The following NAV3 variants were observed in gnomAD, a reference collection of about 807,000 sequenced individuals.
NAV3 encodes pore membrane and/or filament interacting like protein 1.
Under a neutral mutation model 244.7 loss-of-function variants are expected in NAV3, and 87 were observed. The observed-to-expected ratio is 0.36, with a 90% CI of 0.30 to 0.42. The LOEUF (loss-of-function observed/expected upper bound fraction) is 0.42, where lower values mean the gene tolerates loss of function less well. Among genes scored for constraint, NAV3 ranks in the 20% least tolerant of loss-of-function variants. The pLI is 1.00. For synonymous variants in NAV3, 1,126 were observed against 1,042.2 expected, an observed-to-expected ratio of 1.08 and a Z score of -1.55; for missense variants, 2,663 against 2,893.3, an observed-to-expected ratio of 0.92 and a Z score of 1.83.
At chr12:77,945,140 G>A (rs902054510) in intron 3 of NAV3, among the ~76,000 whole-genome samples, 1 of 150,970 alleles carries the variant, frequency 6.6e-6, no homozygotes, top group Non-Finnish European at 1.5e-5. Flanking sequence ...AAAATAAATA[G>A]CTTGAGAAGA....
intron 1 of NAV3, among the ~76,000 whole-genome samples, chr12:77,856,217 G>T (rs1878374757): frequency 6.6e-6 from 1 of 152,154 alleles, no homozygotes. Context: ...TGTTTCAGGA[G>T]AAGTAGGACT....
chr12:77,662,696 A>G (rs1873521306), intron 2 of NAV3, among the ~76,000 whole-genome samples: 2 of 152,138 alleles, frequency 1.3e-5, no homozygotes, highest in Admixed American at 1.3e-4. Flanking sequence ...ATGAGACTTT[A>G]CACATAGGTT....
intron 2 of NAV3, among the ~76,000 whole-genome samples, chr12:77,814,197 G>A (rs1393237292): frequency 3.3e-5 from 5 of 151,898 alleles, no homozygotes; most frequent in Non-Finnish European, 5.9e-5. Context: ...TTTCCTAAAG[G>A]AGGAAATGTA....
intron 1 of NAV3, among the ~76,000 whole-genome samples, chr12:77,899,160 T>C (rs1413966462): frequency 1.3e-5 from 2 of 152,240 alleles, no homozygotes; most frequent in African/African-American, 4.8e-5. Flanking sequence ...CTACTTTTGG[T>C]AAAGATGCTG....
At chr12:77,895,743 T>TG (rs1168815501) in intron 1 of NAV3, among the ~76,000 whole-genome samples, 4 of 151,058 alleles carry the variant, frequency 2.6e-5, no homozygotes, top group Middle Eastern at 3.4e-3. Flanking sequence ...CTCTTGTTTT[T>TG]TTTTTTTTTT....
intron 1 of NAV3, among the ~76,000 whole-genome samples, chr12:77,925,405 T>C (rs1888099177): frequency 6.6e-6 from 1 of 152,202 alleles, no homozygotes; most frequent in Non-Finnish European, 1.5e-5. Context: ...TTTTCTGTTT[T>C]TATTTTTATT....
intron 2 of NAV3, among the ~76,000 whole-genome samples, chr12:77,669,878 C>T (rs1873885959): frequency 6.6e-6 from 1 of 151,908 alleles, no homozygotes; most frequent in Non-Finnish European, 1.5e-5. Context: ...TTCTACCCAA[C>T]AACTGCAGAA....
At chr12:77,758,814 A>G (rs1223122103) in intron 2 of NAV3, among the ~76,000 whole-genome samples, 1 of 152,208 alleles carries the variant, frequency 6.6e-6, no homozygotes, top group Non-Finnish European at 1.5e-5. Context: ...AGTAAGAGCA[A>G]TGAATTCAAT....
chr12:78,049,291 C>A (rs1882365853), intron 9 of NAV3, among the ~76,000 whole-genome samples: 1 of 152,128 alleles, frequency 6.6e-6, no homozygotes, highest in Non-Finnish European at 1.5e-5. Flanking sequence ...CTGCAGCTAG[C>A]TTGGTGTCTG....
At chr12:77,873,030 G>A (rs1483257405) in intron 1 of NAV3, among the ~76,000 whole-genome samples, 2 of 150,582 alleles carry the variant, frequency 1.3e-5, no homozygotes, top group African/African-American at 5.0e-5. Flanking sequence ...TCTCATGATA[G>A]TTAGTAAGTC....
intron 2 of NAV3, among the ~76,000 whole-genome samples, chr12:77,805,481 A>AT (rs1249772752): frequency 3.3e-5 from 5 of 152,144 alleles, no homozygotes; most frequent in Non-Finnish European, 7.3e-5. Flanking sequence ...ATTGATTTGC[A>AT]TATGTTGAAC....
chr12:78,160,406 T>TGTGC (rs1555184844), intron 23 of NAV3, among the ~76,000 whole-genome samples: 13 of 138,904 alleles, frequency 9.4e-5, no homozygotes, highest in Non-Finnish European at 1.7e-4. Flanking sequence ...TGTGCGTGCG[T>TGTGC]GTGTGTGTGT....
chr12:78,144,584 G>A (rs1334059960), intron 20 of NAV3, among the ~76,000 whole-genome samples: 4 of 151,950 alleles, frequency 2.6e-5, no homozygotes, highest in Non-Finnish European at 5.9e-5. Context: ...AATTGGTAGT[G>A]AAAAAAGTCA....
intron 22 of NAV3, among the ~76,000 whole-genome samples, chr12:78,150,427 T>C (rs1038087837): frequency 2.0e-5 from 3 of 152,022 alleles, no homozygotes; most frequent in African/African-American, 7.2e-5. Flanking sequence ...GCTGATACTT[T>C]CCATTTGAAA....
rs375185928 is a variant in NAV3 at position 78,021,834 on chromosome 12, T to A, written c.1995T>A (p.Thr665=). Residue 665 remains threonine (T), a synonymous_variant, in exon 9 of 40, where the codon ACT becomes ACA. Transcript: ENST00000397909. The stretch of plus-strand genomic sequence containing the variant: ...AGATGGACTTATCATATAGTAAGAC[T>A]GCTAAGCAGTGCCTGGAGGAGATAT... ...PTKMDLSYSK[T]AKQCLEEISG... 1.2e-6 allele frequency: 2 copies of A among 1,610,212 alleles called. No individual in the cohort carries two copies. The highest frequency in any genetic ancestry group is 1.3e-5 in the African/African-American group (1 of 74,774).
chr12:78,133,614 A>G (rs1162318569), intron 18 of NAV3, among the ~76,000 whole-genome samples: 1 of 151,986 alleles, frequency 6.6e-6, no homozygotes, highest in Non-Finnish European at 1.5e-5. Context: ...AAAAATCACA[A>G]CATATATTAG....
In NAV3 at chr12:77,622,534, ATTTTTTTTT is replaced by A. The variant is rs529338324; in HGVS notation, c.72+50286_72+50294del. Among the ~76,000 whole-genome samples, 23 of 90,712 alleles carry A rather than the reference ATTTTTTTTT, an allele frequency of 2.5e-4. 1 individual carries two copies. The highest frequency in any genetic ancestry group is 6.4e-5 in the Non-Finnish European group (3 of 46,584). 59.5% of individuals were successfully genotyped at this position (90,712 alleles called of 152,430 possible). ...CTCTGCAGCGTGTTCATCCATATGGATTTTTTTTTTTTTTTTTTTTTTTTTTACTGGAAG... is the reference window on the plus strand; with the variant it reads ...CTCTGCAGCGTGTTCATCCATATGGATTTTTTTTTTTTTTTTTACTGGAAG... On this transcript the variant is annotated intron_variant, in intron 2 of 8. Coordinates refer to the NAV3 transcript ENST00000550042.
At chr12:77,796,393 A>G (rs1218095478) in intron 2 of NAV3, among the ~76,000 whole-genome samples, 2 of 152,228 alleles carry the variant, frequency 1.3e-5, no homozygotes, top group East Asian at 3.8e-4. Flanking sequence ...ATGATAAAAC[A>G]TAAACAGATA....
chr12:77,899,484 G>C (rs1484767409), intron 1 of NAV3, among the ~76,000 whole-genome samples: 1 of 152,206 alleles, frequency 6.6e-6, no homozygotes, highest in South Asian at 2.1e-4. Flanking sequence ...TGAAGCCTCA[G>C]ATGATTGTTA....
Sources: gnomAD v4.1 joint callset for allele counts (sites outside exome capture counted in the v4.1 genomes callset) on GRCh38, gnomAD v4.1.1 for gene constraint, MANE v1.5 for transcripts, NCBI Gene and HGNC (gene_info 2026-07-23, HGNC 2026-07-21) for gene names.